The following AP5B1 variants were observed in gnomAD, a reference collection of about 807,000 sequenced individuals.
The protein encoded by AP5B1 is AP-5 complex subunit beta-1.
AP5B1 carries 3 observed loss-of-function variants against 5.7 expected under a neutral mutation model. The observed-to-expected ratio is 0.53, with a 90% CI of 0.24 to 1.36. The LOEUF is 1.36. Among genes scored for constraint, AP5B1 ranks in the 40% most tolerant of loss-of-function variants. AP5B1 has a pLI of 0.17. For missense variants in AP5B1, 1,310 were observed against 1,143.2 expected, an observed-to-expected ratio of 1.15 and a Z score of -2.10; for synonymous variants, 696 against 555.5, an observed-to-expected ratio of 1.25 and a Z score of -3.56.
At position 65,774,631 on chromosome 11, in the gene AP5B1, AT is replaced by A. The variant is rs916477932; in HGVS notation, c.*3224del. ...ACCATGTTGGCCAGGCTGGTCTCAAATTCTTCACCTCAGGTAATCAACCCAC... is the reference window on the plus strand; with the variant it reads ...ACCATGTTGGCCAGGCTGGTCTCAAATCTTCACCTCAGGTAATCAACCCAC... On this transcript the variant is annotated 3_prime_UTR_variant, in exon 2 of 2. Coordinates refer to ENST00000532090, the MANE Select transcript of AP5B1 (RefSeq NM_138368.5). Among the ~76,000 whole-genome samples, 2 of 152,148 alleles carry A rather than the reference AT, an allele frequency of 1.3e-5. No individual in the cohort carries two copies. Among genetic ancestry groups the A allele is most frequent in the Non-Finnish European group, 2.9e-5 (2 of 68,036 alleles).
rs777872119 is a variant in AP5B1 at position 65,778,371 on chromosome 11, C to T, written c.2122G>A (p.Glu708Lys). 8.1e-6 allele frequency: 13 copies of T among 1,607,512 alleles called. No individual in the cohort carries two copies. The highest frequency in any genetic ancestry group is 1.1e-5 in the Non-Finnish European group (13 of 1,177,870). Residue 708 changes from glutamate to lysine, a missense_variant, in exon 2 of 2, where the codon GAG becomes AAG. Physicochemically the swap from Glu to Lys is moderately conservative, Grantham distance 56. Coordinates refer to ENST00000532090, the MANE Select transcript of AP5B1 (RefSeq NM_138368.5). ...RVEGQLYAPL[E>K]AVHVPCLCPG... ...CACAGGCAGGGCACATGGACAGCCT[C>T]CAGGGGTGCATACAGCTGTCCTTCC...
Position 65,779,870 on chromosome 11 carries a change from C to A in AP5B1, c.623G>T (p.Gly208Val), listed in dbSNP as rs1367631906. The A allele has an allele frequency of 6.3e-7, 1 of 1,595,850 alleles. No homozygotes were observed. The highest frequency in any genetic ancestry group is 1.7e-4 in the Middle Eastern group (1 of 5,964). Residue 208 changes from glycine to valine, a missense_variant, in exon 2 of 2, where the codon GGG becomes GTG. By Grantham distance (109) the Gly-to-Val change is moderately radical. Transcript: ENST00000532090. ...VLQSRVGAGL[G>V]GLLTDKVSPT... ...GGAGACCTTATCCGTGAGCAGTCCC[C>A]CCAGGCCAGCCCCAACCCGGGACTG...
In AP5B1 at chr11:65,779,411, G is replaced by A. The variant is rs770797027; in HGVS notation, c.1082C>T (p.Pro361Leu). 2.5e-6 allele frequency: 4 copies of A among 1,606,150 alleles called. No homozygotes were observed. In the South Asian group the frequency reaches 3.3e-5, roughly 13 times the overall value. The change falls in exon 2 of 2, where the codon CCT (proline) becomes CTT (leucine). Residue 361 changes from proline to leucine, a missense_variant. Physicochemically the swap from Pro to Leu is moderately conservative, Grantham distance 98 (BLOSUM62 -3). Transcript: ENST00000532090. ...AAGGTAAAAGAGATGGGTGGGCGGA[G>A]GCAGAGCAGGGTGCTGGGCAGCCAA... The part of the protein sequence containing the change: ...LTLAAQHPAL[P>L]PPTHLFYLHC...
At position 65,779,739 on chromosome 11, in the gene AP5B1, G is replaced by A. The variant is rs774605046; in HGVS notation, c.754C>T (p.Arg252Cys). The part of the protein sequence containing the change: ...WPAAEEGEGE[R>C]SLTAREHSPE... ...CTGTGCTCTCGTGCTGTAAGGCTAC[G>A]CTCCCCCTCTCCCTCCTCAGCTGCC... The change falls in exon 2 of 2, where the codon CGT becomes TGT. Residue 252 changes from arginine to cysteine, a missense_variant. By Grantham distance (180) the Arg-to-Cys change is radical. Coordinates refer to ENST00000532090, the MANE Select transcript of AP5B1 (RefSeq NM_138368.5). The A allele has an allele frequency of 6.9e-6, 11 of 1,600,442 alleles. No homozygotes were observed. The highest frequency in any genetic ancestry group is 5.2e-5 in the Admixed American group (3 of 58,082).
chr11:65,777,969 G>A lies in AP5B1; in HGVS notation c.2524C>T (p.Leu842=). Residue 842 remains leucine (L), a synonymous_variant, in exon 2 of 2, where the codon CTG becomes TTG. Transcript: ENST00000532090. ...TCTGCCAGGGCCGCCTCCAGCCGCA[G>A]CAGCAGCTTTGAGTCCGGGGGCAGG... ...IHLPPDSKLL[L]RLEAALADGV... 1 of 1,601,984 alleles carries A rather than the reference G, an allele frequency of 6.2e-7. No homozygotes were observed. Among genetic ancestry groups the A allele is most frequent in the South Asian group, 1.1e-5 (1 of 90,008 alleles).
rs1254016661 is a variant in AP5B1 at position 65,780,321 on chromosome 11, T to C, written c.172A>G (p.Met58Val). ...GGCCACAGCTGCGCAGGGTACTCCATGCTCAGGGCCAGCAGGGAAACCTGG... is the reference window on the plus strand; with the variant it reads ...GGCCACAGCTGCGCAGGGTACTCCACGCTCAGGGCCAGCAGGGAAACCTGG... The part of the protein sequence containing the change: ...QTKVSLLALS[M>V]EYPAQLWPDA... Residue 58 changes from methionine to valine, a missense_variant, in exon 2 of 2, where the codon ATG becomes GTG. Met to Val is a conservative substitution (Grantham distance 21). Transcript: ENST00000532090. 1.2e-5 allele frequency: 18 copies of C among 1,481,674 alleles called. No individual in the cohort carries two copies. Among genetic ancestry groups the C allele is most frequent in the East Asian group, 2.6e-5 (1 of 39,038 alleles). 91.8% of individuals were successfully genotyped at this position (1,481,674 alleles called of 1,614,324 possible).
chr11:65,780,136 C>G lies in AP5B1; in HGVS notation c.357G>C (p.Arg119=). Reference sequence around the variant, plus strand: ...CCAGGCCGAGCAGTAGGGGCAGGAGCCGGCAGGAGGCGCCCGAGGTGGGGC... The same window carrying G: ...CCAGGCCGAGCAGTAGGGGCAGGAGGCGGCAGGAGGCGCCCGAGGTGGGGC... The part of the protein sequence containing the change: ...ALGPTSGASC[R]LLPLLLGLAA... The change falls in exon 2 of 2, where the codon CGG becomes CGC. Residue 119 remains arginine, a synonymous_variant. Coordinates refer to ENST00000532090, the MANE Select transcript of AP5B1 (RefSeq NM_138368.5). 1 of 1,481,208 alleles carries G rather than the reference C, an allele frequency of 6.8e-7. No homozygotes were observed. Among genetic ancestry groups the G allele is most frequent in the Non-Finnish European group, 8.9e-7 (1 of 1,118,914 alleles). The allele number at this position is 1,481,208 out of a possible 1,614,324, so 91.8% of individuals were successfully genotyped here.
In AP5B1 at chr11:65,778,576, T is replaced by C. The variant is rs571581297; in HGVS notation, c.1917A>G (p.Ala639=). 4 of 1,589,308 alleles carry C rather than the reference T, an allele frequency of 2.5e-6. No homozygotes were observed. Among genetic ancestry groups the C allele is most frequent in the Middle Eastern group, 1.7e-4 (1 of 5,956 alleles). The change falls in exon 2 of 2, where the codon GCA becomes GCG. Residue 639 remains alanine (A), a synonymous_variant. Transcript: ENST00000532090. ...VALGPSLAAP[A]LASSLVAENQ... ...TCTCGGCCACCAGTGAAGAGGCCAG[T>C]GCAGGTGCGGCAAGCGAGGGGCCCA...
rs1223791421 is a variant in AP5B1, at chr11:65,779,559, G to A, written c.934C>T (p.Leu312=). The change falls in exon 2 of 2, where the codon CTG becomes TTG. Residue 312 remains leucine, a synonymous_variant. Transcript: ENST00000532090. The part of the protein sequence containing the change: ...GQPPALFKPQ[L]VRLLGTAQLT... ...TGTGCTGTGCCTAGCAGCCGTACCA[G>A]CTGCGGCTTGAAGAGTGCCGGTGGC... The A allele has an allele frequency of 6.8e-6, 11 of 1,607,844 alleles. No individual in the cohort carries two copies. The highest frequency in any genetic ancestry group is 9.3e-6 in the Non-Finnish European group (11 of 1,178,528).
At position 65,778,762 on chromosome 11, in the gene AP5B1, C is replaced by A; in HGVS notation, c.1731G>T (p.Leu577=). 1 of 1,609,512 alleles carries A rather than the reference C, an allele frequency of 6.2e-7. No individual in the cohort carries two copies. The highest frequency in any genetic ancestry group is 1.7e-5 in the Admixed American group (1 of 59,656). The change falls in exon 2 of 2, where the codon CTG becomes CTT. Residue 577 remains leucine, a synonymous_variant. Coordinates refer to ENST00000532090, the MANE Select transcript of AP5B1 (RefSeq NM_138368.5). ...CCCGCAGCAGCGCCCGGCAGACCCG[C>A]AGCAGGCCCTGCTGTAGGTCCCAGT... The part of the protein sequence containing the change: ...CTNWDLQQGL[L]RVCRALLRAG...
rs748101017 is a variant in AP5B1, at chr11:65,780,047, G to A, written c.446C>T (p.Thr149Met). The A allele has an allele frequency of 3.2e-6, 5 of 1,552,182 alleles. No homozygotes were observed. Among genetic ancestry groups the A allele is most frequent in the Non-Finnish European group, 4.4e-6 (5 of 1,148,546 alleles). ...PASEQRPLQATACECLRELES... is the reference protein window; with the variant it reads ...PASEQRPLQAMACECLRELES... ...TAGCTCTCGCAGGCACTCGCAGGCC[G>A]TGGCCTGCAAGGGGCGCTGTTCCGA... Residue 149 changes from threonine to methionine, a missense_variant, in exon 2 of 2, where the codon ACG (threonine) becomes ATG (methionine). By Grantham distance (81) the Thr-to-Met change is moderately conservative (BLOSUM62 -1). Coordinates refer to ENST00000532090, the MANE Select transcript of AP5B1 (RefSeq NM_138368.5).
chr11:65,779,921 A>G lies in AP5B1; in HGVS notation c.572T>C (p.Leu191Pro). ...PVQPLSLLLA[L>P]ALRNTLVLQS... The stretch of plus-strand genomic sequence containing the variant: ...GAGCACCAAGGTGTTGCGCAAAGCG[A>G]GGGCCAGCAACAGGCTGAGTGGCTG... Residue 191 changes from leucine (L) to proline (P), a missense_variant, in exon 2 of 2, where the codon CTC becomes CCC. Transcript: ENST00000532090. 1 of 1,590,698 alleles carries G rather than the reference A, an allele frequency of 6.3e-7. No individual in the cohort carries two copies. Among genetic ancestry groups the G allele is most frequent in the East Asian group, 2.2e-5 (1 of 44,660 alleles).
At position 65,778,724 on chromosome 11, in the gene AP5B1, C is replaced by T; in HGVS notation, c.1769G>A (p.Gly590Asp). The change falls in exon 2 of 2, where the codon GGC becomes GAC. Residue 590 changes from glycine to aspartate, a missense_variant. Physicochemically the swap from Gly to Asp is moderately conservative, Grantham distance 94. Transcript: ENST00000532090. ...CACCTGCAGCAAGTCGACCAGGCCG[C>T]CCCTCACCCCTGCCCGCAGCAGCGC... ...CRALLRAGVRGGLVDLLQVLA... is the reference protein window; with the variant it reads ...CRALLRAGVRDGLVDLLQVLA... The T allele has an allele frequency of 6.3e-7, 1 of 1,595,862 alleles. No individual in the cohort carries two copies.
rs1387517950 is a variant in AP5B1 at position 65,779,911 on chromosome 11, G to A, written c.582C>T (p.Arg194=). The A allele has an allele frequency of 6.3e-7, 1 of 1,592,044 alleles. No individual in the cohort carries two copies. Among genetic ancestry groups the A allele is most frequent in the Non-Finnish European group, 8.6e-7 (1 of 1,169,198 alleles). The change falls in exon 2 of 2, where the codon CGC becomes CGT. Residue 194 remains arginine, a synonymous_variant. Transcript: ENST00000532090. ...PLSLLLALAL[R]NTLVLQSRVG... Reference sequence around the variant, plus strand: ...CCCGGGACTGGAGCACCAAGGTGTTGCGCAAAGCGAGGGCCAGCAACAGGC... The same window carrying A: ...CCCGGGACTGGAGCACCAAGGTGTTACGCAAAGCGAGGGCCAGCAACAGGC...
Position 65,778,230 on chromosome 11 carries a change from G to A in AP5B1, c.2263C>T (p.His755Tyr). 2 of 1,613,426 alleles carry A rather than the reference G, an allele frequency of 1.2e-6. No individual in the cohort carries two copies. The highest frequency in any genetic ancestry group is 1.7e-6 in the Non-Finnish European group (2 of 1,179,898). The change falls in exon 2 of 2, where the codon CAC (histidine) becomes TAC (tyrosine). Residue 755 changes from histidine to tyrosine, a missense_variant. By Grantham distance (83) the His-to-Tyr change is moderately conservative. Coordinates refer to ENST00000532090, the MANE Select transcript of AP5B1 (RefSeq NM_138368.5). ...AAGTTCACGAACAGGGGTGGCAAGT[G>A]GGCATGGCACGTGAGACCAGTGGAT... ...TTSTGLTCHAHLPPLFVNFAD... is the reference protein window; with the variant it reads ...TTSTGLTCHAYLPPLFVNFAD...
At position 65,775,619 on chromosome 11, in the gene AP5B1, G is replaced by T. The variant is rs1857756165; in HGVS notation, c.*2237C>A. Among the ~76,000 whole-genome samples, 1 of 152,172 alleles carries T rather than the reference G, an allele frequency of 6.6e-6. No homozygotes were observed. Among genetic ancestry groups the T allele is most frequent in the African/African-American group, 2.4e-5 (1 of 41,432 alleles). On this transcript the variant is annotated 3_prime_UTR_variant, in exon 2 of 2. Coordinates refer to ENST00000532090, the MANE Select transcript of AP5B1 (RefSeq NM_138368.5). ...GCCCAGCTTCCTGGGTGCTTACAGGGGATGGCAGGCAGGACAGTACGTTCT... is the reference window on the plus strand; with the variant it reads ...GCCCAGCTTCCTGGGTGCTTACAGGTGATGGCAGGCAGGACAGTACGTTCT...
chr11:65,779,682 C>T lies in AP5B1; in HGVS notation c.811G>A (p.Val271Met). 6.2e-7 allele frequency: 1 copy of T among 1,612,260 alleles called. No homozygotes were observed. Among genetic ancestry groups the T allele is most frequent in the Non-Finnish European group, 8.5e-7 (1 of 1,179,650 alleles). The change falls in exon 2 of 2, where the codon GTG (valine) becomes ATG (methionine). Residue 271 changes from valine to methionine, a missense_variant. Coordinates refer to ENST00000532090, the MANE Select transcript of AP5B1 (RefSeq NM_138368.5). ...TAGGAGGTGTCCAGAAGCTGGATCACCGCAGCCCGCAGCTCCCGCGCCTCC... is the reference window on the plus strand; with the variant it reads ...TAGGAGGTGTCCAGAAGCTGGATCATCGCAGCCCGCAGCTCCCGCGCCTCC... Reference protein sequence around the residue: ...PEEARELRAAVIQLLDTSYLL... With the variant: ...PEEARELRAAMIQLLDTSYLL...
chr11:65,780,392 C>T, intron 1 of AP5B1, 50 bp from the exon 2 acceptor site: 2 of 1,459,940 alleles, frequency 1.4e-6, no homozygotes, highest in Non-Finnish European at 9.0e-7. Flanking sequence ...CATGACGCGG[C>T]GGGCTGGGGT....
chr11:65,778,442 G>A lies in AP5B1; in HGVS notation c.2051C>T (p.Pro684Leu), dbSNP rs56798161. Reference sequence around the variant, plus strand: ...AGAGTAGATGGGCTCCAGCGCCTCCGGCTGGAGCTTCAACACTGGGAGTGG... The same window carrying A: ...AGAGTAGATGGGCTCCAGCGCCTCCAGCTGGAGCTTCAACACTGGGAGTGG... ...KGPLPVLKLQPEALEPIYSLE... is the reference protein window; with the variant it reads ...KGPLPVLKLQLEALEPIYSLE... The change falls in exon 2 of 2, where the codon CCG (proline) becomes CTG (leucine). Residue 684 changes from proline to leucine, a missense_variant. Coordinates refer to ENST00000532090, the MANE Select transcript of AP5B1 (RefSeq NM_138368.5). 5.5e-3 allele frequency: 8,648 copies of A among 1,574,610 alleles called. 345 individuals carry two copies. In the African/African-American group the frequency reaches 0.095, roughly 17 times the overall value.
Sources: gnomAD v4.1 joint callset for allele counts (sites outside exome capture counted in the v4.1 genomes callset) on GRCh38, gnomAD v4.1.1 for gene constraint, MANE v1.5 for transcripts, NCBI Gene and HGNC (gene_info 2026-07-23, HGNC 2026-07-21) for gene names.